Variants in TMEM202 observed in about 807,000 individuals in gnomAD.
TMEM202 encodes transmembrane protein 202.
In TMEM202, 25 loss-of-function variants were observed where a neutral mutation model predicts 26.1. That is an observed-to-expected ratio of 0.96 (90% CI 0.70 to 1.34). TMEM202 has a LOEUF of 1.34. Among genes scored for constraint, TMEM202 ranks in the 40% most tolerant of loss-of-function variants. The pLI, the probability that TMEM202 is intolerant of heterozygous loss-of-function variation, is 0.00. For missense variants in TMEM202, 301 were observed against 327.7 expected, an observed-to-expected ratio of 0.92 and a Z score of 0.63; for synonymous variants, 122 against 119.0, an observed-to-expected ratio of 1.02 and a Z score of -0.16.
chr15:72,398,707 C>T lies in TMEM202; in HGVS notation c.136C>T (p.Gln46Ter). ...TGCCTCGATGTCATGCCAAAGGCAG[C>T]AGCAGCTTATGGATCAGGCACACAT... Reference protein sequence around the residue: ...PSASMSCQRQQQLMDQAHIYI... With the variant: ...PSASMSCQRQ The change falls in exon 2 of 5, where the codon CAG becomes TAG. Residue 46 changes from glutamine (Q) to a stop codon, truncating the protein, a stop_gained. Transcript: ENST00000341689. LOFTEE classifies it high-confidence loss of function. The T allele has an allele frequency of 6.2e-7, 1 of 1,614,202 alleles. No homozygotes were observed. The highest frequency in any genetic ancestry group is 8.5e-7 in the Non-Finnish European group (1 of 1,180,034).
Position 72,398,870 on chromosome 15 carries a change from A to G in TMEM202, c.299A>G (p.Asn100Ser), listed in dbSNP as rs1387997063. The G allele has an allele frequency of 1.2e-6, 2 of 1,612,920 alleles. No homozygotes were observed. Among genetic ancestry groups the G allele is most frequent in the Admixed American group, 1.7e-5 (1 of 60,010 alleles). ...TACGCAGGACTCTGGACCTTATGCA[A>G]CCATGAGCTGTGCTGGAGCCACACA... Reference protein sequence around the residue: ...ELYAGLWTLCNHELCWSHTPK... With the variant: ...ELYAGLWTLCSHELCWSHTPK... The change falls in exon 2 of 5, where the codon AAC becomes AGC. Residue 100 changes from asparagine to serine, a missense_variant. Coordinates refer to ENST00000341689, the MANE Select transcript of TMEM202 (RefSeq NM_001080462.3).
intron 2 of TMEM202, among the ~76,000 whole-genome samples, chr15:72,399,923 C>G (rs1383750759): frequency 1.3e-5 from 2 of 152,140 alleles, no homozygotes; most frequent in African/African-American, 4.8e-5. Context: ...AAGCAGGGGT[C>G]CCATCTATTC....
At chr15:72,407,643 A>G in intron 4 of TMEM202, 48 bp from the exon 5 acceptor site, 3 of 1,564,690 alleles carry the variant, frequency 1.9e-6, no homozygotes, top group Non-Finnish European at 2.6e-6. Context: ...TAAAAGCCAA[A>G]AGACCATTGC....
chr15:72,407,020 T>TG, intron 3 of TMEM202, 66 bp from the exon 4 acceptor site: 1 of 1,592,186 alleles, frequency 6.3e-7, no homozygotes, highest in Non-Finnish European at 8.5e-7. Context: ...GCCAAAGAGC[T>TG]GGGGGTGGCG....
intron 1 of TMEM202, 44 bp from the exon 2 acceptor site, chr15:72,398,609 G>GGTCACCC (rs2063532691): frequency 6.2e-7 from 1 of 1,607,194 alleles, no homozygotes; most frequent in African/African-American, 1.3e-5. Flanking sequence ...CTGGGGATCA[G>GGTCACCC]GGGTTATTCT....
intron 2 of TMEM202, among the ~76,000 whole-genome samples, chr15:72,404,090 CA>C (rs2063560597): frequency 6.6e-6 from 1 of 152,110 alleles, no homozygotes; most frequent in Non-Finnish European, 1.5e-5. Context: ...TGAATTAGTG[CA>C]AGCTAAAGAG....
intron 2 of TMEM202, among the ~76,000 whole-genome samples, chr15:72,404,409 C>T (rs886244923): frequency 2.6e-5 from 4 of 151,766 alleles, no homozygotes; most frequent in Middle Eastern, 3.4e-3. Context: ...ACTGAGACCC[C>T]GTCTCAAAGA....
chr15:72,406,966 G>C, intron 3 of TMEM202, 120 bp from the exon 4 acceptor site: 1 of 1,406,784 alleles, frequency 7.1e-7, no homozygotes, highest in South Asian at 1.4e-5. Flanking sequence ...TCAGTCCCCA[G>C]GTTTTTATCT....
chr15:72,398,678 C>T lies in TMEM202; in HGVS notation c.107C>T (p.Pro36Leu). The change falls in exon 2 of 5, where the codon CCA (proline) becomes CTA (leucine). Residue 36 changes from proline to leucine, a missense_variant. Physicochemically the swap from Pro to Leu is moderately conservative, Grantham distance 98. Transcript: ENST00000341689. ...QRPTVPAKKH[P>L]SASMSCQRQQ... ...CCTACCGTCCCTGCCAAGAAACATC[C>T]AAGTGCCTCGATGTCATGCCAAAGG... 6.2e-7 allele frequency: 1 copy of T among 1,614,114 alleles called. No homozygotes were observed. Among genetic ancestry groups the T allele is most frequent in the Non-Finnish European group, 8.5e-7 (1 of 1,180,018 alleles).
chr15:72,406,766 T>G lies in TMEM202; in HGVS notation c.487+15T>G. 1 of 1,612,032 alleles carries G rather than the reference T, an allele frequency of 6.2e-7. No homozygotes were observed. The highest frequency in any genetic ancestry group is 8.5e-7 in the Non-Finnish European group (1 of 1,179,306). On this transcript the variant is annotated intron_variant, in intron 3 of 4. Transcript: ENST00000341689. ...CTTCATCTCAGGTACAGACCTAGAC[T>G]GGCAGGGTATTTTACCATGGTAAAA...
chr15:72,403,725 T>C (rs1051547812), intron 2 of TMEM202, among the ~76,000 whole-genome samples: 2 of 152,230 alleles, frequency 1.3e-5, no homozygotes, highest in African/African-American at 2.4e-5. Flanking sequence ...TAGAGTAATA[T>C]GAATTAAAAA....
At chr15:72,402,943 T>C (rs1167281178) in intron 2 of TMEM202, among the ~76,000 whole-genome samples, 1 of 152,154 alleles carries the variant, frequency 6.6e-6, no homozygotes, top group Non-Finnish European at 1.5e-5. Context: ...CATCTGAGCC[T>C]GGAGAAGTTG....
intron 4 of TMEM202, 94 bp downstream of exon 4, chr15:72,407,311 G>T: frequency 7.1e-7 from 1 of 1,415,386 alleles, no homozygotes; most frequent in East Asian, 2.3e-5. Context: ...AGCACTGACT[G>T]TTCCTTTTCA....
chr15:72,398,510 T>C, intron 1 of TMEM202, 103 bp downstream of exon 1: 1 of 1,414,634 alleles, frequency 7.1e-7, no homozygotes, highest in Non-Finnish European at 9.5e-7. Context: ...CCCTGAAAAT[T>C]GTGGGGTTTT....
intron 2 of TMEM202, among the ~76,000 whole-genome samples, chr15:72,401,126 C>G (rs1054358916): frequency 2.0e-5 from 3 of 152,146 alleles, no homozygotes; most frequent in Admixed American, 6.5e-5. Flanking sequence ...TTTACCACAG[C>G]CTGTTTTATC....
At position 72,407,867 on chromosome 15, in the gene TMEM202, T is replaced by C. The variant is rs1012737377; in HGVS notation, c.796T>C (p.Leu266=). The C allele has an allele frequency of 1.2e-6, 2 of 1,613,706 alleles. No individual in the cohort carries two copies. Among genetic ancestry groups the C allele is most frequent in the African/African-American group, 2.7e-5 (2 of 74,892 alleles). Residue 266 remains leucine, a synonymous_variant, in exon 5 of 5, where the codon TTA becomes CTA. Transcript: ENST00000341689. Reference sequence around the variant, plus strand: ...ATCTCTAAGTGTGAGAGAGAAAAATTTACCAAAGTCAGGACTGTGGTGGTG... The same window carrying C: ...ATCTCTAAGTGTGAGAGAGAAAAATCTACCAAAGTCAGGACTGTGGTGGTG... ...MESLSVREKN[L]PKSGLWW
chr15:72,403,770 T>G (rs2140357967), intron 2 of TMEM202, among the ~76,000 whole-genome samples: 1 of 152,362 alleles, frequency 6.6e-6, no homozygotes, highest in South Asian at 2.1e-4. Context: ...TGTCTTAGAC[T>G]CTGAATATAA....
At chr15:72,399,921 G>A (rs149879828) in intron 2 of TMEM202, among the ~76,000 whole-genome samples, 1 of 152,282 alleles carries the variant, frequency 6.6e-6, no homozygotes, top group East Asian at 1.9e-4. Flanking sequence ...ATAAGCAGGG[G>A]TCCCATCTAT....
rs1040475769 is a variant in TMEM202 at position 72,398,795 on chromosome 15, C to G, written c.224C>G (p.Ser75Cys). ...SFSLLMLIAM[S>C]PLNWVQFLVI... ...AGCCTCCTAATGCTGATCGCCATGT[C>G]CCCACTGAACTGGGTACAGTTTCTG... Residue 75 changes from serine to cysteine, a missense_variant, in exon 2 of 5, where the codon TCC (serine) becomes TGC (cysteine). Transcript: ENST00000341689. The G allele has an allele frequency of 5.6e-6, 9 of 1,614,168 alleles. No homozygotes were observed. The highest frequency in any genetic ancestry group is 7.6e-6 in the Non-Finnish European group (9 of 1,180,042).
Sources: allele counts gnomAD v4.1 joint callset (sites outside exome capture counted in the v4.1 genomes callset), GRCh38; gene constraint gnomAD v4.1.1; transcripts MANE v1.5; gene names NCBI Gene and HGNC (gene_info 2026-07-23, HGNC 2026-07-21).